The following MYT1L variants were observed in gnomAD, a reference collection of about 807,000 sequenced individuals.
The protein encoded by MYT1L is myelin transcription factor 1-like protein.
In MYT1L, 12 loss-of-function variants were observed where a neutral mutation model predicts 126.7. The observed-to-expected ratio is 0.09, with a 90% CI of 0.06 to 0.15. MYT1L has a LOEUF of 0.15. Among genes scored for constraint, MYT1L ranks in the 10% least tolerant of loss-of-function variants. The pLI is 1.00. For missense variants in MYT1L, 979 were observed against 1,585.2 expected (o/e 0.62, Z 6.49); for synonymous variants, 541 against 604.2 (o/e 0.90, Z 1.53).
intron 3 of MYT1L, among the ~76,000 whole-genome samples, chr2:2,145,642 G>GACACACACACACACACAC (rs139332300): frequency 1.7e-3 from 247 of 146,510 alleles, no homozygotes; most frequent in African/African-American, 6.0e-3. Context: ...ACACACACAA[G>GACACACACACACACACAC]ACACACACAC....
rs1172066682 is a variant in MYT1L, at chr2:2,306,174, G to A, written c.-520-21671C>T. On this transcript the variant is annotated intron_variant, in intron 1 of 24. Coordinates refer to ENST00000647738, the MANE Select transcript of MYT1L (RefSeq NM_001303052.2). Reference sequence around the variant, plus strand: ...TTTTGCCCTGGTGGGACAAAGTATTGAGAAAAAGGAAGACTTCCTCTCCAG... The same window carrying A: ...TTTTGCCCTGGTGGGACAAAGTATTAAGAAAAAGGAAGACTTCCTCTCCAG... 3 of 152,092 alleles carry A rather than the reference G, an allele frequency of 2.0e-5. No individual in the cohort carries two copies. The East Asian group carries it at 5.8e-4, about 29-fold the overall frequency. The allele number at this position is 152,092 out of a possible 1,614,324, so 9.4% of individuals were successfully genotyped here. A position where few individuals can be genotyped will look rare whatever the true frequency, so the allele number is the denominator to read the frequency against.
intron 4 of MYT1L, among the ~76,000 whole-genome samples, chr2:2,007,418 G>GA (rs1479074077): frequency 6.6e-5 from 10 of 151,948 alleles, no homozygotes; most frequent in Non-Finnish European, 1.5e-4. Flanking sequence ...CAAGGTTAAG[G>GA]AAAAAAACAA....
chr2:2,121,488 CT>C (rs1442280402), intron 3 of MYT1L, among the ~76,000 whole-genome samples: 1 of 149,208 alleles, frequency 6.7e-6, no homozygotes, highest in African/African-American at 2.5e-5. Flanking sequence ...TTCTTTGTTG[CT>C]TTTTGTTTTT....
At chr2:1,937,788 G>A (rs138652513) in intron 9 of MYT1L, among the ~76,000 whole-genome samples, 8 of 152,008 alleles carry the variant, frequency 5.3e-5, no homozygotes, top group Admixed American at 1.3e-4. Context: ...CAGATCGCAC[G>A]TGGAGAAGGC....
intron 3 of MYT1L, among the ~76,000 whole-genome samples, chr2:2,078,101 A>G (rs1418576686): frequency 6.6e-6 from 1 of 152,232 alleles, no homozygotes; most frequent in Non-Finnish European, 1.5e-5. Flanking sequence ...TGTTTGAAAC[A>G]AAGTTAGTAT....
chr2:1,884,776 C>T (rs2047965040), intron 18 of MYT1L, among the ~76,000 whole-genome samples: 3 of 152,224 alleles, frequency 2.0e-5, no homozygotes, highest in Admixed American at 6.5e-5. Context: ...AAGATACAGT[C>T]TCCCCTCCAG....
chr2:2,018,793 G>A (rs1416198049), intron 4 of MYT1L, among the ~76,000 whole-genome samples: 8 of 152,142 alleles, frequency 5.3e-5, no homozygotes. Context: ...GTTTGTATAG[G>A]AGGCTGGGAA....
chr2:2,093,715 T>G (rs975585064), intron 3 of MYT1L, among the ~76,000 whole-genome samples: 3 of 152,212 alleles, frequency 2.0e-5, no homozygotes, highest in Admixed American at 6.5e-5. Flanking sequence ...TTTGTCAATT[T>G]TGGCTTTTGT....
Position 1,922,745 on chromosome 2 carries a change from T to C in MYT1L, c.1024A>G (p.Ser342Gly), listed in dbSNP as rs1416505996. ...TTCCTCTCCTGCGGGTTGGTCTCAC[T>C]GAGCTTCCTGGCCAGGTCGAAGCAC... The part of the protein sequence containing the change: ...NQCFDLARKL[S>G]ETNPQERNPQ... Residue 342 changes from serine to glycine, a missense_variant, in exon 10 of 25, where the codon AGT (serine) becomes GGT (glycine). Around this residue, in one of 12 missense-constraint regions of MYT1L, gnomAD observed 243 missense variants for 363.9 expected, o/e 0.67. Coordinates refer to ENST00000647738, the MANE Select transcript of MYT1L (RefSeq NM_001303052.2). The surrounding 1 kb of genome is among the most constrained non-coding windows in gnomAD (Gnocchi z 7.4). 6.2e-7 allele frequency: 1 copy of C among 1,613,968 alleles called. No individual in the cohort carries two copies. Among genetic ancestry groups the C allele is most frequent in the East Asian group, 2.2e-5 (1 of 44,868 alleles).
intron 22 of MYT1L, among the ~76,000 whole-genome samples, chr2:1,803,024 A>C (rs925061587): frequency 7.2e-5 from 11 of 152,208 alleles, no homozygotes; most frequent in Non-Finnish European, 1.5e-4. Flanking sequence ...AGAGCACCCC[A>C]AAAACCCTGC....
intron 2 of MYT1L, among the ~76,000 whole-genome samples, chr2:2,271,479 A>G (rs1307811203): frequency 2.6e-5 from 4 of 152,204 alleles, no homozygotes. Context: ...TTAAATGCAG[A>G]TCTGTCTGCA....
rs2149769152 is a variant in MYT1L at position 2,012,411 on chromosome 2, G to A, written c.-157-15064C>T. The stretch of plus-strand genomic sequence containing the variant: ...CCATTTACATAACAAGTGCAGAATG[G>A]AGAAAGTTGCAGAGGCAGAAGGTAG... On this transcript the variant is annotated intron_variant, in intron 4 of 24. Transcript: ENST00000647738. Among the ~76,000 whole-genome samples the A allele has an allele frequency of 2.0e-5, 3 of 152,340 alleles. No homozygotes were observed. In the East Asian group the frequency reaches 5.8e-4, roughly 29 times the overall value.
Position 2,016,307 on chromosome 2 carries a change from GTCAGGAAGTGGCTGTT to G in MYT1L, c.-157-18976_-157-18961del, listed in dbSNP as rs1389455589. Among the ~76,000 whole-genome samples, 42 of 152,340 alleles carry G rather than the reference GTCAGGAAGTGGCTGTT, an allele frequency of 2.8e-4. 1 individual carries two copies. Among genetic ancestry groups the G allele is most frequent in the Admixed American group, 2.5e-3 (38 of 15,308 alleles). ...AACACAGAGCAAGAAGATGGAGAGG[GTCAGGAAGTGGCTGTT>G]TCAGGAAGACTGGCCGGGAAGCTGT... On this transcript the variant is annotated intron_variant, in intron 4 of 24. Coordinates refer to ENST00000647738, the MANE Select transcript of MYT1L (RefSeq NM_001303052.2).
At chr2:2,236,467 T>TACATCCCAACCCAACCCAGC (rs2094308860) in intron 2 of MYT1L, among the ~76,000 whole-genome samples, 1 of 94,334 alleles carries the variant, frequency 1.1e-5, no homozygotes, top group African/African-American at 4.2e-5. Context: ...CCCAACCCAG[T>TACATCCCAACCCAACCCAGC]ACATCCCAAC....
intron 2 of MYT1L, among the ~76,000 whole-genome samples, chr2:2,268,154 C>A (rs1221955747): frequency 2.6e-5 from 4 of 152,076 alleles, no homozygotes; most frequent in African/African-American, 9.7e-5. Flanking sequence ...TACTTGTAGA[C>A]TTTGGATAGA....
chr2:1,979,419 G>A lies in MYT1L; in HGVS notation c.89+102C>T, dbSNP rs774466340. On this transcript the variant is annotated intron_variant, in intron 7 of 24. Coordinates refer to ENST00000647738, the MANE Select transcript of MYT1L (RefSeq NM_001303052.2). This position sits in a 1 kb window ranked among gnomAD's most constrained non-coding sequence, Gnocchi z 4.0. ...ATTAATTTCATCAGTGCAGCAGGGC[G>A]TGAGCAAGCTGCCGATGAGCTGGAA... 7.8e-4 allele frequency: 973 copies of A among 1,244,860 alleles called. 8 individuals carry two copies. The Middle Eastern group carries it at 0.015, about 19-fold the overall frequency. 77.1% of individuals were successfully genotyped at this position (1,244,860 alleles called of 1,614,324 possible). A position where few individuals can be genotyped will look rare whatever the true frequency, so the allele number is the denominator to read the frequency against.
chr2:2,068,263 T>C (rs1225464394), intron 3 of MYT1L, among the ~76,000 whole-genome samples: 1 of 152,104 alleles, frequency 6.6e-6, no homozygotes, highest in Non-Finnish European at 1.5e-5. Context: ...CTTGCACACA[T>C]TTCCATAGAG....
intron 4 of MYT1L, among the ~76,000 whole-genome samples, chr2:2,007,530 G>A (rs2063448653): frequency 6.6e-6 from 1 of 152,234 alleles, no homozygotes; most frequent in Admixed American, 6.5e-5. Flanking sequence ...TAAGGTGAAT[G>A]AGGAGTTGCT....
Position 1,848,247 on chromosome 2 carries a change from T to C in MYT1L, c.2774+3394A>G, listed in dbSNP as rs2042756602. Among the ~76,000 whole-genome samples the C allele has an allele frequency of 6.6e-6, 1 of 151,868 alleles. No individual in the cohort carries two copies. The highest frequency in any genetic ancestry group is 2.4e-5 in the African/African-American group (1 of 41,330). ...GCAGACAGAATTGGAGTGTGTGCCT[T>C]TGTCCTGGGAGCAGGAGGGAGAATT... On this transcript the variant is annotated intron_variant, in intron 19 of 24. Coordinates refer to ENST00000647738, the MANE Select transcript of MYT1L (RefSeq NM_001303052.2). This position sits in a 1 kb window ranked among gnomAD's most constrained non-coding sequence, Gnocchi z 4.8.
Sources: allele counts gnomAD v4.1 joint callset (sites outside exome capture counted in the v4.1 genomes callset), GRCh38; gene constraint gnomAD v4.1.1; regional missense constraint gnomAD v4.1.1; non-coding constraint Gnocchi (gnomAD v3.1); transcripts MANE v1.5; gene names NCBI Gene and HGNC (gene_info 2026-07-23, HGNC 2026-07-21).